NDFIP2: variants seen among roughly 807,000 people sequenced by gnomAD.
The protein encoded by NDFIP2 is Nedd4 family interacting protein 2.
Under a neutral mutation model 36.0 loss-of-function variants are expected in NDFIP2, and 19 were observed. The ratio of observed to expected loss-of-function variants is 0.53; its 90% CI spans 0.37 to 0.77. The LOEUF is 0.77. NDFIP2 is among the 30% of genes least tolerant of loss of function. NDFIP2 has a pLI of 0.00. For missense variants in NDFIP2, 446 were observed against 435.8 expected, an observed-to-expected ratio of 1.02 and a Z score of -0.21; for synonymous variants, 181 against 167.7, an observed-to-expected ratio of 1.08 and a Z score of -0.61.
At chr13:79,499,608 AT>A (rs1873577830) in intron 1 of NDFIP2, among the ~76,000 whole-genome samples, 2 of 152,046 alleles carry the variant, frequency 1.3e-5, no homozygotes, top group African/African-American at 4.8e-5. Context: ...GGAATGTGAA[AT>A]TAAAAACATA....
chr13:79,509,686 T>TAG (rs145822478), intron 1 of NDFIP2, among the ~76,000 whole-genome samples: 6,979 of 110,840 alleles, frequency 0.063, 226 homozygotes, highest in Non-Finnish European at 0.082. Context: ...GATATATATA[T>TAG]ATATAGAGAG....
intron 2 of NDFIP2, among the ~76,000 whole-genome samples, chr13:79,531,947 CT>C (rs1875034115): frequency 6.6e-6 from 1 of 152,182 alleles, no homozygotes; most frequent in East Asian, 1.9e-4. Context: ...TGTATCTTGG[CT>C]TTTGCCATGC....
chr13:79,505,654 A>G (rs1459311282), intron 1 of NDFIP2, among the ~76,000 whole-genome samples: 1 of 151,806 alleles, frequency 6.6e-6, no homozygotes, highest in African/African-American at 2.4e-5. Context: ...CCAAAAACCA[A>G]AAAGCTCCCA....
chr13:79,526,994 T>A (rs1018891205), intron 2 of NDFIP2, among the ~76,000 whole-genome samples: 1 of 152,184 alleles, frequency 6.6e-6, no homozygotes. Flanking sequence ...AATTCTAAAG[T>A]CCACAGTCAT....
chr13:79,493,981 T>G (rs923638430), intron 1 of NDFIP2, among the ~76,000 whole-genome samples: 9 of 152,162 alleles, frequency 5.9e-5, no homozygotes, highest in Non-Finnish European at 1.2e-4. Context: ...ACCCTTTATC[T>G]TGTAAGTTTT....
At chr13:79,486,799 A>G (rs1484671975) in intron 1 of NDFIP2, among the ~76,000 whole-genome samples, 1 of 152,206 alleles carries the variant, frequency 6.6e-6, no homozygotes, top group African/African-American at 2.4e-5. Context: ...GTCCTGTAAG[A>G]TGTGTTTAGA....
chr13:79,517,713 G>A (rs1323628790), intron 1 of NDFIP2, among the ~76,000 whole-genome samples: 3 of 152,110 alleles, frequency 2.0e-5, no homozygotes, highest in Non-Finnish European at 4.4e-5. Flanking sequence ...ATGTTTTATA[G>A]GCTCCAAAGC....
At chr13:79,487,531 T>C (rs1460616013) in intron 1 of NDFIP2, among the ~76,000 whole-genome samples, 2 of 152,186 alleles carry the variant, frequency 1.3e-5, no homozygotes, top group Non-Finnish European at 2.9e-5. Flanking sequence ...TACAAATCTT[T>C]TTGTGGACAT....
intron 1 of NDFIP2, among the ~76,000 whole-genome samples, chr13:79,486,946 G>A (rs1223893152): frequency 6.6e-6 from 1 of 152,140 alleles, no homozygotes; most frequent in Non-Finnish European, 1.5e-5. Context: ...ATTTGTGTAA[G>A]TACGCTCTCT....
At chr13:79,516,521 GT>G (rs1874340979) in intron 1 of NDFIP2, among the ~76,000 whole-genome samples, 1 of 152,104 alleles carries the variant, frequency 6.6e-6, no homozygotes, top group Non-Finnish European at 1.5e-5. Flanking sequence ...ACTCAGCCAA[GT>G]TTTTTATTGA....
chr13:79,510,014 C>A (rs951850901), intron 1 of NDFIP2, among the ~76,000 whole-genome samples: 1 of 152,158 alleles, frequency 6.6e-6, no homozygotes, highest in African/African-American at 2.4e-5. Flanking sequence ...TTGGCAACAC[C>A]GTCACACCCA....
At chr13:79,500,007 G>GTGAAAAAAC (rs576736113) in intron 1 of NDFIP2, among the ~76,000 whole-genome samples, 20 of 151,964 alleles carry the variant, frequency 1.3e-4, no homozygotes, top group East Asian at 9.7e-4. Flanking sequence ...TGTGGTGTTT[G>GTGAAAAAAC]TGAAAAAACA....
chr13:79,500,166 C>CA (rs771690443), intron 1 of NDFIP2, among the ~76,000 whole-genome samples: 1,054 of 75,868 alleles, frequency 0.014, 10 homozygotes, highest in East Asian at 0.09. Flanking sequence ...GATCCCCATG[C>CA]AAAAAAAAAA....
chr13:79,482,800 G>A (rs1430656161), intron 1 of NDFIP2, among the ~76,000 whole-genome samples: 1 of 152,128 alleles, frequency 6.6e-6, no homozygotes, highest in Non-Finnish European at 1.5e-5. Flanking sequence ...TCCATATTCC[G>A]AATTCTTTGA....
intron 1 of NDFIP2, among the ~76,000 whole-genome samples, chr13:79,485,743 C>T (rs17071499): frequency 0.067 from 10,225 of 152,184 alleles, 729 homozygotes; most frequent in African/African-American, 0.18. Context: ...TTTGAAACTC[C>T]GTCCTTATTC....
intron 2 of NDFIP2, among the ~76,000 whole-genome samples, chr13:79,532,090 C>T (rs2137099550): frequency 6.6e-6 from 1 of 152,252 alleles, no homozygotes; most frequent in Non-Finnish European, 1.5e-5. Context: ...AAAACAATTA[C>T]AATAGTGACA....
intron 1 of NDFIP2, among the ~76,000 whole-genome samples, chr13:79,485,342 T>A (rs189590039): frequency 2.0e-5 from 3 of 152,294 alleles, no homozygotes; most frequent in African/African-American, 7.2e-5. Flanking sequence ...AAGAAACAGC[T>A]CAGTATGAGG....
intron 1 of NDFIP2, among the ~76,000 whole-genome samples, chr13:79,519,851 A>G (rs565897191): frequency 6.6e-6 from 1 of 152,342 alleles, no homozygotes; most frequent in African/African-American, 2.4e-5. Context: ...TCAAGGCTGG[A>G]GTGCATTGGC....
intron 3 of NDFIP2, among the ~76,000 whole-genome samples, chr13:79,537,768 T>A (rs1277780431): frequency 1.3e-5 from 2 of 152,224 alleles, no homozygotes; most frequent in African/African-American, 2.4e-5. Flanking sequence ...TTATGTGATA[T>A]TGAGCAGAGC....
Sources: gnomAD v4.1 joint callset for allele counts (sites outside exome capture counted in the v4.1 genomes callset) on GRCh38, gnomAD v4.1.1 for gene constraint, MANE v1.5 for transcripts, NCBI Gene and HGNC (gene_info 2026-07-23, HGNC 2026-07-21) for gene names.